SLC41A2: variants seen among roughly 807,000 people sequenced by gnomAD.
SLC41A2 encodes the protein SLC41A1-like 1.
In SLC41A2, 32 loss-of-function variants were observed where a neutral mutation model predicts 58.3. The ratio of observed to expected loss-of-function variants is 0.55; its 90% CI spans 0.41 to 0.74. The LOEUF is 0.74. SLC41A2 is among the 30% of genes least tolerant of loss of function. The probability of loss-of-function intolerance (pLI) is 0.00; values close to 1 mark genes in which losing one functional copy is unlikely to be tolerated. For missense variants in SLC41A2, 514 were observed against 680.6 expected (o/e 0.76, Z 2.72); for synonymous variants, 190 against 235.0 (o/e 0.81, Z 1.75).
intron 8 of SLC41A2, among the ~76,000 whole-genome samples, chr12:104,853,244 C>G (rs2042865919): frequency 6.6e-6 from 1 of 152,196 alleles, no homozygotes; most frequent in Non-Finnish European, 1.5e-5. Flanking sequence ...GAATATATTT[C>G]AAATTCTGTC....
At chr12:104,908,575 T>C (rs2045949417) in intron 3 of SLC41A2, among the ~76,000 whole-genome samples, 1 of 152,272 alleles carries the variant, frequency 6.6e-6, no homozygotes, top group Admixed American at 6.5e-5. Flanking sequence ...GTTAGTAATA[T>C]CATCTGGTGA....
In SLC41A2 at chr12:104,805,226, C is replaced by T. The variant is rs1226161179; in HGVS notation, c.1648G>A (p.Gly550Arg). The T allele has an allele frequency of 9.3e-6, 15 of 1,613,814 alleles. No individual in the cohort carries two copies. Among genetic ancestry groups the T allele is most frequent in the East Asian group, 2.2e-5 (1 of 44,892 alleles). Reference protein sequence around the residue: ...PYLTALGDLLGTALLALSFHF... With the variant: ...PYLTALGDLLRTALLALSFHF... Reference sequence around the variant, plus strand: ...AAACTTAAGGCTAACAGAGCTGTCCCGAGCAGATCACCCAATGCTGTTAGG... The same window carrying T: ...AAACTTAAGGCTAACAGAGCTGTCCTGAGCAGATCACCCAATGCTGTTAGG... The change falls in exon 11 of 11, where the codon GGG (glycine) becomes AGG (arginine). Residue 550 changes from glycine (G) to arginine (R), a missense_variant. Gly to Arg is a moderately radical substitution (Grantham distance 125). Around this residue, in one of 3 missense-constraint regions of SLC41A2, gnomAD observed 128 missense variants for 146.0 expected, o/e 0.88. Transcript: ENST00000258538.
At chr12:104,935,956 T>C (rs879476332) in intron 1 of SLC41A2, among the ~76,000 whole-genome samples, 1 of 152,016 alleles carries the variant, frequency 6.6e-6, no homozygotes, top group Non-Finnish European at 1.5e-5. Flanking sequence ...ACCATGAGAA[T>C]TGGTTGAACC....
chr12:104,804,921 AT>A lies in SLC41A2; in HGVS notation c.*230del. On this transcript the variant is annotated 3_prime_UTR_variant, in exon 11 of 11. Coordinates refer to ENST00000258538, the MANE Select transcript of SLC41A2 (RefSeq NM_001352171.3). ...AATTTCAGAGCTGGAACTTATATCT[AT>A]GTCTATGTCAAATTATCATTTATTC... The A allele has an allele frequency of 3.1e-6, 1 of 325,516 alleles. No homozygotes were observed. Among genetic ancestry groups the A allele is most frequent in the Non-Finnish European group, 5.6e-6 (1 of 178,424 alleles). 20.2% of individuals were successfully genotyped at this position (325,516 alleles called of 1,614,324 possible). A position where few individuals can be genotyped will look rare whatever the true frequency, so the allele number is the denominator to read the frequency against.
chr12:104,816,498 C>T (rs2041410191), intron 10 of SLC41A2, among the ~76,000 whole-genome samples: 1 of 152,142 alleles, frequency 6.6e-6, no homozygotes, highest in Non-Finnish European at 1.5e-5. Flanking sequence ...CTCTGCCTCT[C>T]CAGGGGACAT....
intron 1 of SLC41A2, among the ~76,000 whole-genome samples, chr12:104,932,151 T>C (rs1384273572): frequency 4.6e-5 from 7 of 152,238 alleles, no homozygotes; most frequent in Admixed American, 3.9e-4. Flanking sequence ...TGCTTGCTTA[T>C]TGACAAGGTC....
At chr12:104,895,914 C>T (rs1053023237) in intron 3 of SLC41A2, among the ~76,000 whole-genome samples, 3 of 152,188 alleles carry the variant, frequency 2.0e-5, no homozygotes. Flanking sequence ...GAAGAACACT[C>T]TCCAAAATAA....
At chr12:104,843,584 T>C (rs11112209) in intron 10 of SLC41A2, among the ~76,000 whole-genome samples, 2,976 of 152,134 alleles carry the variant, frequency 0.02, 93 homozygotes, top group African/African-American at 0.068. Flanking sequence ...AACTCAGTAA[T>C]CTCCAAAAAG....
chr12:104,909,555 A>T, intron 3 of SLC41A2, 100 bp downstream of exon 3: 1 of 788,942 alleles, frequency 1.3e-6, no homozygotes, highest in Non-Finnish European at 2.1e-6. Context: ...TGAAGTGCAG[A>T]AGCATATCAG....
chr12:104,891,623 A>G (rs539587479), intron 4 of SLC41A2, among the ~76,000 whole-genome samples: 1 of 151,772 alleles, frequency 6.6e-6, no homozygotes, highest in African/African-American at 2.4e-5. Flanking sequence ...CTCTAATACA[A>G]TAATGATATT....
Position 104,853,911 on chromosome 12 carries a change from A to ATTATTATTTTTTTTTTTTTTTTT in SLC41A2, c.1255+7379_1255+7380insAAAAAAAAAAAAAAAAATAATAA. Among the ~76,000 whole-genome samples the ATTATTATTTTTTTTTTTTTTTTT allele has an allele frequency of 2.9e-4, 17 of 59,490 alleles. 2 individuals are homozygous for ATTATTATTTTTTTTTTTTTTTTT. The highest frequency in any genetic ancestry group is 1.0e-3 in the South Asian group (2 of 2,004). 39.0% of individuals were successfully genotyped at this position (59,490 alleles called of 152,430 possible). On this transcript the variant is annotated intron_variant, in intron 8 of 10. Coordinates refer to ENST00000258538, the MANE Select transcript of SLC41A2 (RefSeq NM_001352171.3). ...GGGTGCATGTCACCATGCCTGGCTG[A>ATTATTATTTTTTTTTTTTTTTTT]TTTTTTTTTTTTTTTTTTTTTTTTT...
intron 10 of SLC41A2, among the ~76,000 whole-genome samples, chr12:104,812,197 C>T (rs1336835929): frequency 2.6e-5 from 4 of 152,192 alleles, no homozygotes; most frequent in African/African-American, 9.6e-5. Context: ...TCCCCATGTC[C>T]TTTAATAGTA....
At chr12:104,918,388 T>C (rs1435318899) in intron 2 of SLC41A2, among the ~76,000 whole-genome samples, 1 of 152,074 alleles carries the variant, frequency 6.6e-6, no homozygotes, top group Non-Finnish European at 1.5e-5. Context: ...TTGAGGCAAT[T>C]AAAATCCCCT....
At chr12:104,810,394 A>G (rs1327073853) in intron 10 of SLC41A2, among the ~76,000 whole-genome samples, 1 of 152,146 alleles carries the variant, frequency 6.6e-6, no homozygotes, top group Non-Finnish European at 1.5e-5. Context: ...AAATGAATAA[A>G]TTTATATTAC....
chr12:104,830,553 A>G (rs1285262960), intron 10 of SLC41A2, among the ~76,000 whole-genome samples: 5 of 151,992 alleles, frequency 3.3e-5, no homozygotes, highest in Admixed American at 6.6e-5. Flanking sequence ...GGCTGGCTGT[A>G]TATTACTTTG....
At chr12:104,905,384 C>T (rs1018649865) in intron 3 of SLC41A2, among the ~76,000 whole-genome samples, 7 of 152,246 alleles carry the variant, frequency 4.6e-5, no homozygotes, top group African/African-American at 1.7e-4. Context: ...GGTGTATTTA[C>T]AATCCCTGAG....
At chr12:104,858,757 C>A (rs2136409591) in intron 8 of SLC41A2, among the ~76,000 whole-genome samples, 2 of 152,252 alleles carry the variant, frequency 1.3e-5, no homozygotes, top group Middle Eastern at 3.4e-3. Context: ...AGCGATCCAC[C>A]TGCCTTGGCC....
At chr12:104,900,901 A>C (rs1053339289) in intron 3 of SLC41A2, among the ~76,000 whole-genome samples, 1 of 152,180 alleles carries the variant, frequency 6.6e-6, no homozygotes, top group African/African-American at 2.4e-5. Context: ...CATTTTGCCA[A>C]CTTCTTCATA....
intron 3 of SLC41A2, among the ~76,000 whole-genome samples, chr12:104,904,765 C>T (rs1298349693): frequency 1.3e-5 from 2 of 151,178 alleles, no homozygotes; most frequent in Non-Finnish European, 2.9e-5. Context: ...TGGAGTTGTT[C>T]GTTCCTCCTG....
Sources: gnomAD v4.1 joint callset for allele counts (sites outside exome capture counted in the v4.1 genomes callset) on GRCh38, gnomAD v4.1.1 for gene constraint, gnomAD v4.1.1 regional missense constraint, MANE v1.5 for transcripts, NCBI Gene and HGNC (gene_info 2026-07-23, HGNC 2026-07-21) for gene names.